The following ZNF469 variants were observed in gnomAD, a reference collection of about 807,000 sequenced individuals.
ZNF469 encodes zinc finger protein 469.
Under a neutral mutation model 1.0 loss-of-function variants are expected in ZNF469, and 1 was observed. The observed-to-expected ratio is 1.00, with a 90% confidence interval of 0.35 to 4.73. ZNF469 has a LOEUF of 4.73. Ranked by LOEUF, ZNF469 falls within the 30% of genes most tolerant of loss-of-function variation. The pLI, the probability that ZNF469 is intolerant of heterozygous loss-of-function variation, is 0.16. For synonymous variants in ZNF469, 2,703 were observed against 2,363.4 expected, an observed-to-expected ratio of 1.14 and a Z score of -4.17; for missense variants, 6,100 against 5,356.3, an observed-to-expected ratio of 1.14 and a Z score of -4.33.
chr16:88,101,604 G>A, the ZNF469 span, among the ~76,000 whole-genome samples: 23 of 151,052 alleles, frequency 1.5e-4, no homozygotes, highest in African/African-American at 2.7e-4. Flanking sequence ...TGGGTGCCCC[G>A]GCCACCCAGG....
rs1164824108 is a variant in ZNF469 at position 88,430,757 on chromosome 16, C to T, written c.3287C>T (p.Ser1096Leu). The T allele has an allele frequency of 3.3e-6, 5 of 1,509,404 alleles. No homozygotes were observed. The highest frequency in any genetic ancestry group is 1.4e-5 in the African/African-American group (1 of 70,840). The allele number at this position is 1,509,404 out of a possible 1,614,324, so 93.5% of individuals were successfully genotyped here. The change falls in exon 3 of 3, where the codon TCG becomes TTG. Residue 1096 changes from serine (S) to leucine (L), a missense_variant. Coordinates refer to ENST00000565624, the MANE Select transcript of ZNF469 (RefSeq NM_001367624.2). Reference protein sequence around the residue: ...DRRLREYDFASESEEDEQPPP... With the variant: ...DRRLREYDFALESEEDEQPPP... ...AGGCTCCGCGAGTACGACTTCGCCTCGGAGTCCGAGGAGGACGAGCAGCCT... is the reference window on the plus strand; with the variant it reads ...AGGCTCCGCGAGTACGACTTCGCCTTGGAGTCCGAGGAGGACGAGCAGCCT...
At chr16:88,219,772 C>T in the ZNF469 span, among the ~76,000 whole-genome samples, 991 of 152,280 alleles carry the variant, frequency 6.5e-3, 4 homozygotes, top group Non-Finnish European at 0.011. Context: ...CAGTTTTCAT[C>T]ATGTGACTTG....
At chr16:88,389,594 G>A (rs534789664) in intron 1 of ZNF469, among the ~76,000 whole-genome samples, 15 of 152,284 alleles carry the variant, frequency 9.9e-5, no homozygotes, top group East Asian at 5.8e-4. Context: ...CCACCGTTCC[G>A]CTCCCACCAG....
Position 88,436,033 on chromosome 16 carries a change from G to A in ZNF469, c.8563G>A (p.Asp2855Asn). 1 of 1,550,304 alleles carries A rather than the reference G, an allele frequency of 6.5e-7. No homozygotes were observed. Among genetic ancestry groups the A allele is most frequent in the Non-Finnish European group, 8.7e-7 (1 of 1,146,986 alleles). ...SAKDPPSLFD[D>N]EVSFSQLFPP... ...CAAGGATCCTCCAAGCTTGTTTGAT[G>A]ATGAGGTCTCTTTCTCCCAGCTCTT... Residue 2855 changes from aspartate (D) to asparagine (N), a missense_variant, in exon 3 of 3, where the codon GAT becomes AAT. Coordinates refer to ENST00000565624, the MANE Select transcript of ZNF469 (RefSeq NM_001367624.2).
At chr16:88,224,354 G>A in the ZNF469 span, among the ~76,000 whole-genome samples, 7 of 152,230 alleles carry the variant, frequency 4.6e-5, no homozygotes, top group South Asian at 4.1e-4. Context: ...CCCCGCAGGT[G>A]GTGAGTGATT....
the ZNF469 span, among the ~76,000 whole-genome samples, chr16:88,295,530 T>C: frequency 3.3e-5 from 5 of 152,178 alleles, no homozygotes; most frequent in Non-Finnish European, 7.4e-5. Context: ...CGTCAACGGC[T>C]GTAGCTGAGC....
the ZNF469 span, among the ~76,000 whole-genome samples, chr16:88,159,198 C>T: frequency 2.1e-5 from 1 of 47,950 alleles, no homozygotes; most frequent in Admixed American, 2.1e-4. Flanking sequence ...CGGATGCTCA[C>T]AGGGCCGTGC....
chr16:88,371,978 TCATCAC>T, the ZNF469 span, among the ~76,000 whole-genome samples: 1 of 56,084 alleles, frequency 1.8e-5, no homozygotes, highest in East Asian at 4.1e-4. Flanking sequence ...ATCACCACCA[TCATCAC>T]CATCACCATC....
At chr16:88,166,213 C>A in the ZNF469 span, among the ~76,000 whole-genome samples, 1 of 152,196 alleles carries the variant, frequency 6.6e-6, no homozygotes, top group African/African-American at 2.4e-5. The surrounding 1 kb of genome is among the most constrained non-coding windows in gnomAD (Gnocchi z 4.5). Context: ...TCAACACCCA[C>A]ACACCCACCA....
the ZNF469 span, among the ~76,000 whole-genome samples, chr16:88,166,666 C>G: frequency 6.6e-6 from 1 of 151,948 alleles, no homozygotes; most frequent in Admixed American, 6.6e-5. This position sits in a 1 kb window ranked among gnomAD's most constrained non-coding sequence, Gnocchi z 4.5. Flanking sequence ...TGGAAACCGC[C>G]CATCGATAGC....
the ZNF469 span, among the ~76,000 whole-genome samples, chr16:88,213,721 C>A: frequency 6.6e-6 from 1 of 152,188 alleles, no homozygotes; most frequent in South Asian, 2.1e-4. Flanking sequence ...AAGAGCTTTT[C>A]CGGGAGTCAG....
At position 88,440,495 on chromosome 16, in the gene ZNF469, A is replaced by G. The variant is rs1378453071; in HGVS notation, c.*1163A>G. The G allele has an allele frequency of 6.6e-6, 1 of 152,118 alleles. No homozygotes were observed. The highest frequency in any genetic ancestry group is 1.5e-5 in the Non-Finnish European group (1 of 68,022). 9.4% of individuals were successfully genotyped at this position (152,118 alleles called of 1,614,324 possible). A position where few individuals can be genotyped will look rare whatever the true frequency, so the allele number is the denominator to read the frequency against. On this transcript the variant is annotated 3_prime_UTR_variant, in exon 3 of 3. Coordinates refer to ENST00000565624, the MANE Select transcript of ZNF469 (RefSeq NM_001367624.2). ...GGGCTTCCTTCTCACCCTTCTCTCC[A>G]TAAGTATCTTGAAGATCCATGGTTT...
the ZNF469 span, among the ~76,000 whole-genome samples, chr16:88,309,793 C>T: frequency 6.6e-6 from 1 of 152,116 alleles, no homozygotes; most frequent in Non-Finnish European, 1.5e-5. Flanking sequence ...GGTTCACTCT[C>T]CTCAAATGCT....
chr16:88,296,547 T>C, the ZNF469 span, among the ~76,000 whole-genome samples: 2 of 144,928 alleles, frequency 1.4e-5, no homozygotes, highest in Non-Finnish European at 3.0e-5. Flanking sequence ...CATACACACA[T>C]ATATGCACAC....
the ZNF469 span, among the ~76,000 whole-genome samples, chr16:88,377,684 C>T: frequency 6.6e-6 from 1 of 151,748 alleles, no homozygotes; most frequent in South Asian, 2.1e-4. Context: ...CTATCTCCCT[C>T]CTCCAGCCCT....
At chr16:88,260,422 A>G in the ZNF469 span, among the ~76,000 whole-genome samples, 1 of 152,214 alleles carries the variant, frequency 6.6e-6, no homozygotes, top group African/African-American at 2.4e-5. This position sits in a 1 kb window ranked among gnomAD's most constrained non-coding sequence, Gnocchi z 4.1. Context: ...CCACGGTTGC[A>G]TCTCCGGCCG....
chr16:88,393,173 G>A (rs1008040254), intron 1 of ZNF469, among the ~76,000 whole-genome samples: 9 of 152,278 alleles, frequency 5.9e-5, no homozygotes, highest in Non-Finnish European at 1.0e-4. Flanking sequence ...GGACCAGCCC[G>A]TGTGCATTCC....
chr16:88,301,680 C>T, the ZNF469 span, among the ~76,000 whole-genome samples: 577 of 152,300 alleles, frequency 3.8e-3, 2 homozygotes, highest in Non-Finnish European at 6.2e-3. Context: ...CATGAGATGC[C>T]GTCCCTGTGG....
the ZNF469 span, among the ~76,000 whole-genome samples, chr16:88,248,788 T>C: frequency 2.0e-5 from 3 of 152,142 alleles, no homozygotes; most frequent in Non-Finnish European, 4.4e-5. Flanking sequence ...TTTCAACAGG[T>C]CAGCCAGTAG....
Sources: gnomAD v4.1 joint callset for allele counts (sites outside exome capture counted in the v4.1 genomes callset) on GRCh38, gnomAD v4.1.1 for gene constraint, Gnocchi (gnomAD v3.1) non-coding constraint, MANE v1.5 for transcripts, NCBI Gene and HGNC (gene_info 2026-07-23, HGNC 2026-07-21) for gene names.